Variants in EVA1A observed in about 807,000 individuals in gnomAD.
EVA1A encodes protein eva-1 homolog A.
A neutral mutation model predicts 9.8 loss-of-function variants in EVA1A; 7 were observed. The observed-to-expected ratio is 0.71, with a 90% CI of 0.41 to 1.34. EVA1A has a LOEUF of 1.34. Among genes scored for constraint, EVA1A ranks in the 40% most tolerant of loss-of-function variants. The pLI, the probability that EVA1A is intolerant of heterozygous loss-of-function variation, is 0.01. For missense variants in EVA1A, 206 were observed against 205.9 expected, an observed-to-expected ratio of 1.00 and a Z score of 0.00; for synonymous variants, 90 against 85.6, an observed-to-expected ratio of 1.05 and a Z score of -0.28.
intron 1 of EVA1A, among the ~76,000 whole-genome samples, chr2:75,554,914 T>G (rs1572993529): frequency 6.6e-6 from 1 of 152,202 alleles, no homozygotes; most frequent in East Asian, 1.9e-4. Flanking sequence ...CACCACACTG[T>G]GTTGTCTGTT....
At chr2:75,516,421 T>C (rs967900495) in intron 3 of EVA1A, among the ~76,000 whole-genome samples, 6 of 152,198 alleles carry the variant, frequency 3.9e-5, no homozygotes, top group African/African-American at 1.4e-4. Context: ...TAAAGAAGCA[T>C]TGTCTTCCTG....
chr2:75,501,244 A>G (rs1326005274), intron 3 of EVA1A, among the ~76,000 whole-genome samples: 1 of 152,162 alleles, frequency 6.6e-6, no homozygotes, highest in African/African-American at 2.4e-5. Flanking sequence ...ATTTTTTCCA[A>G]TAGATAATTA....
At chr2:75,567,328 A>G (rs1372794899) in intron 1 of EVA1A, among the ~76,000 whole-genome samples, 1 of 152,232 alleles carries the variant, frequency 6.6e-6, no homozygotes, top group Non-Finnish European at 1.5e-5. Context: ...GGAATAAAGT[A>G]TAAGTTTTGA....
chr2:75,559,516 C>T (rs1470148629), intron 1 of EVA1A, among the ~76,000 whole-genome samples: 1 of 152,200 alleles, frequency 6.6e-6, no homozygotes, highest in Non-Finnish European at 1.5e-5. Context: ...CAGTATTACA[C>T]ATTTCGTGAC....
chr2:75,565,648 C>G (rs7597258), upstream of EVA1A, among the ~76,000 whole-genome samples: 20,389 of 152,146 alleles, frequency 0.13, 1,592 homozygotes, highest in Non-Finnish European at 0.19. Context: ...TTACAAGAAG[C>G]CTTCAAACTT....
upstream of EVA1A, among the ~76,000 whole-genome samples, chr2:75,564,681 G>A (rs1676993847): frequency 1.3e-5 from 2 of 152,292 alleles, no homozygotes; most frequent in African/African-American, 2.4e-5. Flanking sequence ...TAGGAGGATC[G>A]TGTTCCACCC....
intron 3 of EVA1A, among the ~76,000 whole-genome samples, chr2:75,517,448 A>G (rs904643519): frequency 1.3e-5 from 2 of 152,210 alleles, no homozygotes; most frequent in Non-Finnish European, 2.9e-5. Context: ...GTATTTTTAA[A>G]TGACTCCTTT....
intron 3 of EVA1A, 195 bp downstream of exon 3, chr2:75,517,861 T>C: frequency 2.7e-6 from 2 of 752,846 alleles, no homozygotes; most frequent in South Asian, 1.5e-5. Flanking sequence ...GAACCCTTCA[T>C]TTTTCAAATT....
At chr2:75,529,433 C>A (rs1675567695) in intron 1 of EVA1A, among the ~76,000 whole-genome samples, 1 of 152,154 alleles carries the variant, frequency 6.6e-6, no homozygotes, top group Non-Finnish European at 1.5e-5. Context: ...TGCCCAACAA[C>A]AACAGAATAT....
chr2:75,534,178 G>T (rs909552123), intron 1 of EVA1A, among the ~76,000 whole-genome samples: 102 of 152,176 alleles, frequency 6.7e-4, no homozygotes, highest in African/African-American at 2.4e-3. Flanking sequence ...ATTCAAGCCT[G>T]CAGTGAGCTA....
intron 2 of EVA1A, among the ~76,000 whole-genome samples, chr2:75,521,864 G>A (rs1675242551): frequency 6.6e-6 from 1 of 152,194 alleles, no homozygotes; most frequent in African/African-American, 2.4e-5. Context: ...AATTGTGTTG[G>A]TGAGGTAAAA....
chr2:75,542,505 A>G (rs1280667428), intron 1 of EVA1A: 4 of 152,202 alleles, frequency 2.6e-5, no homozygotes, highest in African/African-American at 9.7e-5. Flanking sequence ...ACTTGGTTCT[A>G]CTTCTGGGTT....
At chr2:75,498,877 A>G (rs891322278) in intron 3 of EVA1A, among the ~76,000 whole-genome samples, 3 of 151,632 alleles carry the variant, frequency 2.0e-5, no homozygotes, top group African/African-American at 4.9e-5. Context: ...GCCAGATGCT[A>G]TGGGATCACA....
chr2:75,554,095 T>C (rs1572992917), intron 1 of EVA1A, among the ~76,000 whole-genome samples: 1 of 152,242 alleles, frequency 6.6e-6, no homozygotes, highest in Non-Finnish European at 1.5e-5. Context: ...GAAAGACAGC[T>C]TTAGGCAGCC....
intron 1 of EVA1A, among the ~76,000 whole-genome samples, chr2:75,557,772 A>G (rs771161276): frequency 1.8e-4 from 27 of 152,220 alleles, no homozygotes; most frequent in Non-Finnish European, 8.8e-5. Flanking sequence ...ACTAACCCCA[A>G]TGTCCTGCCC....
chr2:75,541,152 A>G (rs1313652773), intron 1 of EVA1A, among the ~76,000 whole-genome samples: 2 of 152,234 alleles, frequency 1.3e-5, no homozygotes, highest in Non-Finnish European at 2.9e-5. Flanking sequence ...TGGGCCTTGC[A>G]TACAATAGAG....
chr2:75,525,238 T>C (rs536263108), intron 1 of EVA1A, among the ~76,000 whole-genome samples: 1 of 152,328 alleles, frequency 6.6e-6, no homozygotes, highest in East Asian at 1.9e-4. Context: ...CTACTGCCCT[T>C]ATCTCCTTTT....
chr2:75,567,995 A>G (rs1265965610), intron 1 of EVA1A, among the ~76,000 whole-genome samples: 2 of 152,244 alleles, frequency 1.3e-5, no homozygotes, highest in South Asian at 2.1e-4. Flanking sequence ...TAACAATACA[A>G]TACTCTTGAT....
At chr2:75,524,984 C>G (rs549079465) in intron 1 of EVA1A, among the ~76,000 whole-genome samples, 40 of 152,136 alleles carry the variant, frequency 2.6e-4, no homozygotes, top group African/African-American at 7.7e-4. Flanking sequence ...GTATAATTCT[C>G]TTTCTCAAAA....
Sources: allele counts gnomAD v4.1 joint callset (sites outside exome capture counted in the v4.1 genomes callset), GRCh38; gene constraint gnomAD v4.1.1; transcripts MANE v1.5; gene names NCBI Gene and HGNC (gene_info 2026-07-23, HGNC 2026-07-21).